Variants in DLC1 observed in about 807,000 individuals in gnomAD.
The protein encoded by DLC1 is DLC1 Rho GTPase activating protein, also known as rho GTPase-activating protein 7.
Under a neutral mutation model 140.3 loss-of-function variants are expected in DLC1, and 54 were observed. The observed-to-expected ratio is 0.38, with a 90% CI of 0.31 to 0.48. The LOEUF is 0.48. Among genes scored for constraint, DLC1 ranks in the 20% least tolerant of loss-of-function variants. The pLI is 0.96. For synonymous variants in DLC1, 986 were observed against 728.1 expected (o/e 1.35, Z -5.70); for missense variants, 2,536 against 1,907.0 (o/e 1.33, Z -6.14).
At chr8:13,439,796 T>C (rs1171430295) in intron 2 of DLC1, among the ~76,000 whole-genome samples, 1 of 152,130 alleles carries the variant, frequency 6.6e-6, no homozygotes, top group Non-Finnish European at 1.5e-5. Context: ...TGCCTATATT[T>C]CCTAAACCTG....
intron 1 of DLC1, among the ~76,000 whole-genome samples, chr8:13,597,036 A>G (rs562187534): frequency 3.3e-5 from 5 of 151,908 alleles, no homozygotes; most frequent in Middle Eastern, 3.4e-3. Flanking sequence ...CCTGTTCCTC[A>G]TTTAACATAA....
chr8:13,383,700 T>C lies in DLC1; in HGVS notation c.1314+9853A>G, dbSNP rs147803053. 1.7e-3 allele frequency among the ~76,000 whole-genome samples: 259 copies of C among 152,316 alleles called. 1 individual carries two copies. The highest frequency in any genetic ancestry group is 2.1e-3 in the Non-Finnish European group (142 of 68,022). On this transcript the variant is annotated intron_variant, in intron 4 of 17. Coordinates refer to ENST00000276297, the MANE Select transcript of DLC1 (RefSeq NM_182643.3). ...ATAAGACAGTTTGACTTCCTTGATT[T>C]CTTTCACTTGCATCGGTGGAAGTCA...
chr8:13,426,922 C>T (rs750373031), intron 2 of DLC1, among the ~76,000 whole-genome samples: 6 of 152,082 alleles, frequency 3.9e-5, no homozygotes, highest in Non-Finnish European at 7.4e-5. Context: ...TGTCATATCA[C>T]GAGTTTTTGT....
At chr8:13,204,914 G>A (rs994009132) in intron 5 of DLC1, among the ~76,000 whole-genome samples, 6 of 152,098 alleles carry the variant, frequency 3.9e-5, no homozygotes, top group African/African-American at 1.4e-4. Flanking sequence ...TCAGTTTCTG[G>A]TACAAGCACC....
chr8:13,396,298 A>G lies in DLC1; in HGVS notation c.1174-2605T>C, dbSNP rs191245960. On this transcript the variant is annotated intron_variant, in intron 3 of 17. Transcript: ENST00000276297. ...ATGGTCTCAATCTCCTGACCTCGTG[A>G]TCCGTCCGTCTCAGCCTCCCAAAGT... Among the ~76,000 whole-genome samples, 615 of 152,100 alleles carry G rather than the reference A, an allele frequency of 4.0e-3. 5 individuals carry two copies. Among genetic ancestry groups the G allele is most frequent in the Non-Finnish European group, 6.0e-3 (406 of 67,984 alleles).
chr8:13,362,872 T>TG (rs1262259004), intron 4 of DLC1, among the ~76,000 whole-genome samples: 3 of 152,172 alleles, frequency 2.0e-5, no homozygotes, highest in Non-Finnish European at 4.4e-5. Context: ...CATGGCTGGC[T>TG]TCTTCTCATC....
Position 13,307,081 on chromosome 8 carries a change from CAAAAAAAAAAAAA to C in DLC1, c.1315-1792_1315-1780del, listed in dbSNP as rs34372620. 5.7e-5 allele frequency among the ~76,000 whole-genome samples: 4 copies of C among 70,148 alleles called. No individual in the cohort carries two copies. The Admixed American group carries it at 7.9e-4, about 14-fold the overall frequency. The allele number at this position is 70,148 out of a possible 152,430, so 46.0% of individuals were successfully genotyped here. On this transcript the variant is annotated intron_variant, in intron 4 of 17. Transcript: ENST00000276297. ...CCAGGGTGACAGAGAGAGACTCTGTCAAAAAAAAAAAAAAAAAAAAAAAAAGGTAGAGATGGGG... is the reference window on the plus strand; with the variant it reads ...CCAGGGTGACAGAGAGAGACTCTGTCAAAAAAAAAAAAGGTAGAGATGGGG...
At chr8:13,178,561 A>G (rs1483851352) in intron 5 of DLC1, among the ~76,000 whole-genome samples, 1 of 144,276 alleles carries the variant, frequency 6.9e-6, no homozygotes, top group African/African-American at 2.6e-5. Context: ...CGACAGAGTG[A>G]GACTCTGCCT....
intron 1 of DLC1, among the ~76,000 whole-genome samples, chr8:13,526,567 G>A (rs190858411): frequency 1.3e-5 from 2 of 152,160 alleles, no homozygotes; most frequent in Admixed American, 6.5e-5. Flanking sequence ...TATTGTAAAT[G>A]TATTTTTAAA....
intron 2 of DLC1, among the ~76,000 whole-genome samples, chr8:13,469,078 C>T (rs1469031600): frequency 6.6e-6 from 1 of 152,124 alleles, no homozygotes; most frequent in Non-Finnish European, 1.5e-5. Flanking sequence ...CTCAGCCTCC[C>T]AAAGTGCTGG....
intron 5 of DLC1, among the ~76,000 whole-genome samples, chr8:13,159,384 G>A (rs957503121): frequency 1.3e-5 from 2 of 152,274 alleles, no homozygotes; most frequent in Middle Eastern, 6.8e-3. Context: ...CACTCTGAAG[G>A]ACTCCAGGGC....
chr8:13,535,451 T>A (rs1270733704), intron 1 of DLC1, among the ~76,000 whole-genome samples: 2 of 152,144 alleles, frequency 1.3e-5, no homozygotes, highest in Non-Finnish European at 2.9e-5. Flanking sequence ...CTACCTTGTT[T>A]ACTGTAATAG....
At chr8:13,436,039 C>A (rs1163208074) in intron 2 of DLC1, among the ~76,000 whole-genome samples, 1 of 152,128 alleles carries the variant, frequency 6.6e-6, no homozygotes, top group East Asian at 1.9e-4. Flanking sequence ...TTAAGATATG[C>A]ACTTTTTAAA....
At chr8:13,098,356 A>T (rs748125048) in intron 10 of DLC1, 43 bp downstream of exon 10, 1 of 1,606,846 alleles carries the variant, frequency 6.2e-7, no homozygotes, top group Admixed American at 1.7e-5. Flanking sequence ...CTGACCAAAA[A>T]TATCATTTTC....
At chr8:13,201,158 C>A (rs963458807) in intron 5 of DLC1, among the ~76,000 whole-genome samples, 4 of 151,028 alleles carry the variant, frequency 2.6e-5, no homozygotes, top group African/African-American at 9.7e-5. Context: ...AAGCCAACAG[C>A]CTGTTTCTGA....
Position 13,100,503 on chromosome 8 carries a change from C to T in DLC1, c.1834G>A (p.Asp612Asn), listed in dbSNP as rs748444186. The T allele has an allele frequency of 2.5e-6, 4 of 1,612,646 alleles. No individual in the cohort carries two copies. In the East Asian group the frequency reaches 8.9e-5, roughly 36 times the overall value. The change falls in exon 9 of 18, where the codon GAT becomes AAT. Residue 612 changes from aspartate (D) to asparagine (N), a missense_variant. Coordinates refer to ENST00000276297, the MANE Select transcript of DLC1 (RefSeq NM_182643.3). Reference protein sequence around the residue: ...SLPSHAPPSEDAATPRTNSVI... With the variant: ...SLPSHAPPSENAATPRTNSVI... ...GAGTTAGTCCGGGGGGTGGCAGCAT[C>T]CTCGCTGGGGGGCGCGTGGCTGGGG...
At chr8:13,186,436 G>A (rs1047862673) in intron 5 of DLC1, among the ~76,000 whole-genome samples, 3 of 151,788 alleles carry the variant, frequency 2.0e-5, no homozygotes, top group Non-Finnish European at 2.9e-5. Context: ...CCACTTGATC[G>A]AATCCACTAT....
chr8:13,336,821 G>T (rs945595232), intron 4 of DLC1, among the ~76,000 whole-genome samples: 2 of 151,978 alleles, frequency 1.3e-5, no homozygotes, highest in Non-Finnish European at 2.9e-5. Flanking sequence ...AATATAAATG[G>T]ATATTATTGC....
chr8:13,601,000 G>T (rs1805862095), intron 1 of DLC1, among the ~76,000 whole-genome samples: 1 of 151,652 alleles, frequency 6.6e-6, no homozygotes, highest in Non-Finnish European at 1.5e-5. Context: ...CTTAACACAT[G>T]CATATTCATT....
Sources: gnomAD v4.1 joint callset for allele counts (sites outside exome capture counted in the v4.1 genomes callset) on GRCh38, gnomAD v4.1.1 for gene constraint, MANE v1.5 for transcripts, NCBI Gene and HGNC (gene_info 2026-07-23, HGNC 2026-07-21) for gene names.